The following TENM4 variants were observed in gnomAD, a reference collection of about 807,000 sequenced individuals.
The protein encoded by TENM4 is teneurin transmembrane protein 4.
In TENM4, 82 loss-of-function variants were observed where a neutral mutation model predicts 243.3. The observed-to-expected ratio is 0.34, with a 90% CI of 0.28 to 0.40. TENM4 has a LOEUF of 0.40. TENM4 is among the 10% of genes least tolerant of loss of function. TENM4 has a pLI of 1.00. For synonymous variants in TENM4, 1,412 were observed against 1,456.3 expected (o/e 0.97, Z 0.69); for missense variants, 3,138 against 3,673.3 (o/e 0.85, Z 3.77).
At chr11:78,720,300 A>G (rs1590965755) in intron 25 of TENM4, 70 bp downstream of exon 25, 1 of 1,549,366 alleles carries the variant, frequency 6.5e-7, no homozygotes, top group Non-Finnish European at 8.9e-7. Context: ...TGAAATTGAC[A>G]TGTGCAGCTT....
chr11:79,269,596 G>A (rs1207406405), intron 2 of TENM4: 1 of 152,388 alleles, frequency 6.6e-6, no homozygotes, highest in Non-Finnish European at 1.5e-5. Flanking sequence ...CTGGGAGAGA[G>A]CAGGGCTCCT....
rs766152016 is a variant in TENM4 at position 79,214,931 on chromosome 11, G to T, written c.-163+877C>A. 3.3e-4 allele frequency among the ~76,000 whole-genome samples: 50 copies of T among 152,338 alleles called. 1 individual carries two copies. Among genetic ancestry groups the T allele is most frequent in the Admixed American group, 9.1e-4 (14 of 15,312 alleles). The stretch of plus-strand genomic sequence containing the variant: ...TAGCATGAGAAAGAAATAAACTTCC[G>T]CTATGTTAAGCCACTAGGATTCTGG... On this transcript the variant is annotated intron_variant, in intron 3 of 33. Transcript: ENST00000278550.
intron 2 of TENM4, among the ~76,000 whole-genome samples, chr11:79,266,549 GTCAGTAGGCCCTTATCTTTGCTACTAGTA>G (rs1383733615): frequency 5.3e-5 from 8 of 151,878 alleles, no homozygotes; most frequent in Non-Finnish European, 1.0e-4. Context: ...TGCTACTGGT[GTCAGTAGGCCCTTATCTTTGCTACTAGTA>G]TCAGTAGAGG....
chr11:78,894,801 TG>T (rs1200600795), intron 7 of TENM4, among the ~76,000 whole-genome samples: 1 of 151,162 alleles, frequency 6.6e-6, no homozygotes. Flanking sequence ...GACGCCAGCC[TG>T]GGCAACATGG....
chr11:79,292,333 G>T (rs1013810515), intron 2 of TENM4, among the ~76,000 whole-genome samples: 1 of 152,036 alleles, frequency 6.6e-6, no homozygotes, highest in African/African-American at 2.4e-5. Flanking sequence ...CACAGTAAAT[G>T]CCACTGAAAC....
At chr11:79,089,210 G>C (rs1204628529) in intron 4 of TENM4, among the ~76,000 whole-genome samples, 1 of 152,222 alleles carries the variant, frequency 6.6e-6, no homozygotes, top group Non-Finnish European at 1.5e-5. Flanking sequence ...CTCTGTGCCT[G>C]CTCCAAGGGA....
intron 3 of TENM4, among the ~76,000 whole-genome samples, chr11:79,213,482 G>A (rs561032026): frequency 6.6e-6 from 1 of 152,302 alleles, no homozygotes; most frequent in African/African-American, 2.4e-5. Context: ...CAGAAGAGGG[G>A]CCCAGAAAGA....
intron 17 of TENM4, among the ~76,000 whole-genome samples, chr11:78,773,625 T>C (rs1485266955): frequency 1.3e-5 from 2 of 152,206 alleles, no homozygotes; most frequent in Non-Finnish European, 2.9e-5. Flanking sequence ...GTGAGCCATA[T>C]GGTCTCTTGC....
At chr11:79,423,780 G>T (rs886403389) in intron 1 of TENM4, among the ~76,000 whole-genome samples, 2 of 152,186 alleles carry the variant, frequency 1.3e-5, no homozygotes, top group Middle Eastern at 3.4e-3. Context: ...AAGAAGGAGT[G>T]ACCAGCAAGT....
intron 6 of TENM4, among the ~76,000 whole-genome samples, chr11:78,907,357 T>A (rs116872515): frequency 0.02 from 2,997 of 151,494 alleles, 56 homozygotes; most frequent in Middle Eastern, 0.048. Flanking sequence ...TTGGAGGGAA[T>A]CTCAGAATCA....
intron 1 of TENM4, among the ~76,000 whole-genome samples, chr11:79,342,171 AG>A (rs371496884): frequency 6.6e-6 from 1 of 152,250 alleles, no homozygotes; most frequent in African/African-American, 2.4e-5. Flanking sequence ...CCCAAGTACC[AG>A]GGGGGCTGTC....
intron 32 of TENM4, among the ~76,000 whole-genome samples, chr11:78,664,921 T>A (rs1286828028): frequency 6.6e-6 from 1 of 152,224 alleles, no homozygotes; most frequent in Non-Finnish European, 1.5e-5. Flanking sequence ...TGGAAAACTT[T>A]CCTATTTTGC....
At chr11:79,035,488 C>A (rs1236544164) in intron 6 of TENM4, among the ~76,000 whole-genome samples, 2 of 150,964 alleles carry the variant, frequency 1.3e-5, no homozygotes, top group African/African-American at 4.9e-5. Context: ...CTATTTTTCT[C>A]ATCACACAAG....
At chr11:78,896,637 C>T (rs1855804872) in intron 7 of TENM4, among the ~76,000 whole-genome samples, 1 of 152,114 alleles carries the variant, frequency 6.6e-6, no homozygotes, top group Non-Finnish European at 1.5e-5. Context: ...GCCAAGCTCT[C>T]TCCTGGCTCT....
chr11:79,341,735 A>T (rs887033129), intron 1 of TENM4, among the ~76,000 whole-genome samples: 12 of 152,150 alleles, frequency 7.9e-5, no homozygotes, highest in Admixed American at 2.6e-4. Flanking sequence ...TAAAAAATGG[A>T]ATGTCTGCCC....
intron 6 of TENM4, among the ~76,000 whole-genome samples, chr11:78,973,926 G>A (rs2136589469): frequency 6.6e-6 from 1 of 152,080 alleles, no homozygotes; most frequent in East Asian, 1.9e-4. Flanking sequence ...CAGACACCCA[G>A]GGGAAGAGCT....
chr11:79,430,933 C>G (rs1003300057), intron 1 of TENM4, among the ~76,000 whole-genome samples: 2 of 152,118 alleles, frequency 1.3e-5, no homozygotes, highest in African/African-American at 4.8e-5. Flanking sequence ...ATAGATAAGC[C>G]AGAAGTTCCA....
At chr11:78,708,007 C>A (rs767285102) in intron 27 of TENM4, among the ~76,000 whole-genome samples, 7 of 152,332 alleles carry the variant, frequency 4.6e-5, no homozygotes, top group African/African-American at 1.4e-4. Context: ...AGAAAGAGAA[C>A]AGGCAATGTA....
intron 6 of TENM4, among the ~76,000 whole-genome samples, chr11:78,955,411 G>A (rs1857188312): frequency 6.6e-6 from 1 of 152,148 alleles, no homozygotes; most frequent in Non-Finnish European, 1.5e-5. Context: ...TTTAAAATGT[G>A]GTCTGGTGTC....
Sources: allele counts gnomAD v4.1 joint callset (sites outside exome capture counted in the v4.1 genomes callset), GRCh38; gene constraint gnomAD v4.1.1; transcripts MANE v1.5; gene names NCBI Gene and HGNC (gene_info 2026-07-23, HGNC 2026-07-21).